The following CAMSAP2 variants were observed in gnomAD, a reference collection of about 807,000 sequenced individuals.
CAMSAP2 encodes the protein calmodulin-regulated spectrin-associated protein 2.
CAMSAP2 carries 26 observed loss-of-function variants against 146.1 expected under a neutral mutation model. That is an observed-to-expected ratio of 0.18 (90% CI 0.13 to 0.25). The LOEUF is 0.25. Among genes scored for constraint, CAMSAP2 ranks in the 10% least tolerant of loss-of-function variants. CAMSAP2 has a pLI of 1.00. For missense variants in CAMSAP2, 1,381 were observed against 1,759.3 expected (o/e 0.78, Z 3.85); for synonymous variants, 499 against 596.6 (o/e 0.84, Z 2.38).
chr1:200,842,704 G>A (rs1667355062), intron 7 of CAMSAP2, among the ~76,000 whole-genome samples: 1 of 151,996 alleles, frequency 6.6e-6, no homozygotes. Context: ...GGCTGGGTGC[G>A]GTGGCTCACG....
At chr1:200,847,933 GGAAA>G in intron 10 of CAMSAP2, 95 bp from the exon 11 acceptor site, 5 of 923,584 alleles carry the variant, frequency 5.4e-6, no homozygotes, top group Non-Finnish European at 8.0e-6. Flanking sequence ...TGAGAACTGG[GGAAA>G]GAAAGGAAAT....
At chr1:200,823,411 G>T (rs1666824657) in intron 4 of CAMSAP2, among the ~76,000 whole-genome samples, 1 of 152,214 alleles carries the variant, frequency 6.6e-6, no homozygotes, top group Non-Finnish European at 1.5e-5. Context: ...TTTGTGAACA[G>T]TAAGAAAGTA....
At chr1:200,745,258 C>G (rs1664289412) in intron 1 of CAMSAP2, among the ~76,000 whole-genome samples, 1 of 152,158 alleles carries the variant, frequency 6.6e-6, no homozygotes, top group Non-Finnish European at 1.5e-5. Flanking sequence ...ACCACTACCC[C>G]TACTCCTACC....
intron 1 of CAMSAP2, among the ~76,000 whole-genome samples, chr1:200,742,538 T>G (rs868765770): frequency 2.0e-4 from 31 of 152,216 alleles, no homozygotes; most frequent in African/African-American, 7.0e-4. Context: ...GGAATTTTTT[T>G]GATGTAAATA....
rs1429151871 is a variant in CAMSAP2 at position 200,853,480 on chromosome 1, A to G, written c.3808A>G (p.Ile1270Val). The G allele has an allele frequency of 6.2e-6, 10 of 1,612,002 alleles. No homozygotes were observed. The highest frequency in any genetic ancestry group is 5.5e-5 in the South Asian group (5 of 90,970). The change falls in exon 13 of 17, where the codon ATA becomes GTA. Residue 1270 changes from isoleucine (I) to valine (V), a missense_variant. Physicochemically the swap from Ile to Val is conservative, Grantham distance 29. Transcript: ENST00000358823. The surrounding 1 kb of genome is among the most constrained non-coding windows in gnomAD (Gnocchi z 5.1). ...TCATATTGAATCCCCCAAAACACCAATAAAGGGTCCTCCAGGTAACATAGC... is the reference window on the plus strand; with the variant it reads ...TCATATTGAATCCCCCAAAACACCAGTAAAGGGTCCTCCAGGTAACATAGC... ...RDHIESPKTPIKGPPVSSLSL... is the reference protein window; with the variant it reads ...RDHIESPKTPVKGPPVSSLSL...
At chr1:200,836,990 A>G (rs1667201298) in intron 6 of CAMSAP2, among the ~76,000 whole-genome samples, 1 of 151,970 alleles carries the variant, frequency 6.6e-6, no homozygotes, top group African/African-American at 2.4e-5. Flanking sequence ...GCTGGATATG[A>G]GACCTTGGTC....
intron 2 of CAMSAP2, among the ~76,000 whole-genome samples, chr1:200,765,543 A>G (rs1026588700): frequency 3.9e-5 from 6 of 152,078 alleles, no homozygotes; most frequent in African/African-American, 7.2e-5. Flanking sequence ...GTTATGTTCT[A>G]TGTATCCAGC....
intron 13 of CAMSAP2, among the ~76,000 whole-genome samples, chr1:200,854,256 A>C (rs1667694776): frequency 6.6e-6 from 1 of 152,210 alleles, no homozygotes; most frequent in Non-Finnish European, 1.5e-5. Context: ...TGTTAGGATT[A>C]CAGGTGTGAG....
chr1:200,775,258 T>C (rs1384349933), intron 2 of CAMSAP2, among the ~76,000 whole-genome samples: 1 of 152,180 alleles, frequency 6.6e-6, no homozygotes, highest in Non-Finnish European at 1.5e-5. Flanking sequence ...GAGTTTGGTA[T>C]GTTTCAGGAA....
intron 7 of CAMSAP2, among the ~76,000 whole-genome samples, chr1:200,843,904 C>T (rs1667391451): frequency 1.3e-5 from 2 of 151,882 alleles, no homozygotes; most frequent in Non-Finnish European, 1.5e-5. Flanking sequence ...TGGAGTCTCG[C>T]TCTGTTGCCC....
chr1:200,834,189 C>T (rs1012528559), intron 6 of CAMSAP2, among the ~76,000 whole-genome samples: 3 of 152,016 alleles, frequency 2.0e-5, no homozygotes, highest in African/African-American at 7.2e-5. Flanking sequence ...ATGGTGAAAC[C>T]TCACGTTTAC....
At position 200,853,783 on chromosome 1, in the gene CAMSAP2, G is replaced by T. The variant is rs1187944051; in HGVS notation, c.3823+288G>T. ...ATATAATCTCCTTGAACTATTAACT[G>T]CCCTTTACATACTTATAAATTTAAA... On this transcript the variant is annotated intron_variant, in intron 13 of 16. Coordinates refer to ENST00000358823, the MANE Select transcript of CAMSAP2 (RefSeq NM_203459.4). The surrounding 1 kb of genome is among the most constrained non-coding windows in gnomAD (Gnocchi z 5.1). 2.0e-5 allele frequency among the ~76,000 whole-genome samples: 3 copies of T among 152,062 alleles called. No individual in the cohort carries two copies. The highest frequency in any genetic ancestry group is 7.2e-5 in the African/African-American group (3 of 41,414).
intron 2 of CAMSAP2, among the ~76,000 whole-genome samples, chr1:200,792,270 T>A (rs1665774739): frequency 6.6e-6 from 1 of 152,246 alleles, no homozygotes; most frequent in Admixed American, 6.5e-5. Context: ...AATTGTTGTC[T>A]TAAGTAGTTT....
chr1:200,837,229 T>C (rs1379373165), intron 6 of CAMSAP2, among the ~76,000 whole-genome samples: 3 of 152,108 alleles, frequency 2.0e-5, no homozygotes, highest in Non-Finnish European at 2.9e-5. Flanking sequence ...TTTGGGTTTA[T>C]ATTTAATTCT....
chr1:200,753,970 T>C (rs1432146717), intron 1 of CAMSAP2, among the ~76,000 whole-genome samples: 1 of 152,160 alleles, frequency 6.6e-6, no homozygotes, highest in African/African-American at 2.4e-5. Flanking sequence ...AGCAAAGATA[T>C]TCAGACAGAT....
chr1:200,760,060 T>C (rs1228592303), intron 1 of CAMSAP2, among the ~76,000 whole-genome samples: 1 of 152,030 alleles, frequency 6.6e-6, no homozygotes, highest in Non-Finnish European at 1.5e-5. Context: ...TCTTAAAGGG[T>C]AGTGGCTAGC....
At chr1:200,852,758 A>G in intron 12 of CAMSAP2, 81 bp downstream of exon 12, 1 of 1,402,010 alleles carries the variant, frequency 7.1e-7, no homozygotes. Flanking sequence ...GTAAGTACTC[A>G]AAGAGGTGGT....
At chr1:200,806,765 G>GTGTATCTATCTATCTATCTATC (rs1396000266) in intron 2 of CAMSAP2, among the ~76,000 whole-genome samples, 1 of 140,118 alleles carries the variant, frequency 7.1e-6, no homozygotes, top group African/African-American at 2.7e-5. Context: ...GTGTGTGTGT[G>GTGTATCTATCTATCTATCTATC]TATCTATCTA....
chr1:200,849,362 G>T lies in CAMSAP2; in HGVS notation c.2593G>T (p.Ala865Ser). 6.2e-7 allele frequency: 1 copy of T among 1,614,034 alleles called. No individual in the cohort carries two copies. The highest frequency in any genetic ancestry group is 2.2e-5 in the East Asian group (1 of 44,888). ...TGATCCTGAGAAGCAGTGGAACCTG[G>T]CAAGCCCCTCAGAAGAAACTTTAAA... ...PIDPEKQWNL[A>S]SPSEETLNEG... Residue 865 changes from alanine (A) to serine (S), a missense_variant, in exon 11 of 17, where the codon GCA (alanine) becomes TCA (serine). Physicochemically the swap from Ala to Ser is moderately conservative, Grantham distance 99 (BLOSUM62 1). Coordinates refer to ENST00000358823, the MANE Select transcript of CAMSAP2 (RefSeq NM_203459.4). This position sits in a 1 kb window ranked among gnomAD's most constrained non-coding sequence, Gnocchi z 6.3.
Sources: allele counts gnomAD v4.1 joint callset (sites outside exome capture counted in the v4.1 genomes callset), GRCh38; gene constraint gnomAD v4.1.1; non-coding constraint Gnocchi (gnomAD v3.1); transcripts MANE v1.5; gene names NCBI Gene and HGNC (gene_info 2026-07-23, HGNC 2026-07-21).